The following RBFOX1 variants were observed in gnomAD, a reference collection of about 807,000 sequenced individuals.
RBFOX1 encodes RNA binding protein fox-1 homolog 1.
Under a neutral mutation model 57.7 loss-of-function variants are expected in RBFOX1, and 8 were observed. The ratio of observed to expected loss-of-function variants is 0.14; its 90% CI spans 0.08 to 0.25. RBFOX1 has a LOEUF of 0.25. Ranked by LOEUF, RBFOX1 falls within the 10% of genes least tolerant of loss-of-function variation. RBFOX1 has a pLI of 1.00. For missense variants in RBFOX1, 611 were observed against 548.5 expected, an observed-to-expected ratio of 1.11 and a Z score of -1.14; for synonymous variants, 326 against 222.4, an observed-to-expected ratio of 1.47 and a Z score of -4.15.
intron 4 of RBFOX1, among the ~76,000 whole-genome samples, chr16:7,494,438 C>T (rs535079529): frequency 1.3e-5 from 2 of 152,290 alleles, no homozygotes; most frequent in South Asian, 2.1e-4. Context: ...TGCTCCTTTC[C>T]TCCCAGGCTG....
intron 1 of RBFOX1, among the ~76,000 whole-genome samples, chr16:5,426,168 A>G (rs867428771): frequency 2.6e-5 from 4 of 152,014 alleles, no homozygotes; most frequent in Non-Finnish European, 5.9e-5. Flanking sequence ...GGAAATAATG[A>G]CTCTGAACCT....
chr16:7,597,960 T>C (rs921431801), intron 9 of RBFOX1, among the ~76,000 whole-genome samples: 10 of 152,180 alleles, frequency 6.6e-5, no homozygotes, highest in African/African-American at 2.2e-4. Context: ...CTCAGTGTTA[T>C]TTTGGGCTAG....
rs142368763 is a variant in RBFOX1, at chr16:6,928,470, G to A, written c.-15-123587G>A. Among the ~76,000 whole-genome samples the A allele has an allele frequency of 2.1e-3, 323 of 152,228 alleles. 4 individuals are homozygous for A. The highest frequency in any genetic ancestry group is 6.8e-3 in the African/African-American group (284 of 41,518). On this transcript the variant is annotated intron_variant, in intron 3 of 15. Transcript: ENST00000550418. ...CTCAGGACATGCTTGAGGAAAGAAC[G>A]TTCAACTCAGAAATAAGACTGCTTT...
intron 14 of RBFOX1, chr16:7,693,281 C>T (rs779117459): frequency 1.5e-5 from 24 of 1,597,228 alleles, no homozygotes; most frequent in South Asian, 5.5e-5. Context: ...TCCCCCTGAG[C>T]GAGCAGTATT....
chr16:7,247,241 T>C (rs1305503601), intron 4 of RBFOX1, among the ~76,000 whole-genome samples: 1 of 152,126 alleles, frequency 6.6e-6, no homozygotes, highest in Non-Finnish European at 1.5e-5. Context: ...AAACTTCTAT[T>C]GTGCAAACGC....
chr16:6,775,024 A>T (rs1251420628), intron 3 of RBFOX1, among the ~76,000 whole-genome samples: 1 of 152,110 alleles, frequency 6.6e-6, no homozygotes, highest in African/African-American at 2.4e-5. Flanking sequence ...CTTATATAAC[A>T]TACCTAAAAA....
chr16:7,170,669 A>G (rs1388206329), intron 4 of RBFOX1, among the ~76,000 whole-genome samples: 2 of 152,212 alleles, frequency 1.3e-5, no homozygotes, highest in Non-Finnish European at 2.9e-5. Flanking sequence ...TGTATAATTC[A>G]GAGTTGTTTT....
chr16:6,663,304 C>T (rs1290217278), intron 3 of RBFOX1, among the ~76,000 whole-genome samples: 2 of 152,104 alleles, frequency 1.3e-5, no homozygotes, highest in Admixed American at 6.5e-5. Context: ...TAGTTTGCTG[C>T]CGTGAGGAAG....
At chr16:7,202,097 C>A (rs137879497) in intron 4 of RBFOX1, among the ~76,000 whole-genome samples, 1 of 151,988 alleles carries the variant, frequency 6.6e-6, no homozygotes, top group South Asian at 2.1e-4. Context: ...ATATGGGTTA[C>A]TCAACAACAA....
At chr16:5,423,133 G>C (rs141446897) in intron 1 of RBFOX1, among the ~76,000 whole-genome samples, 5 of 151,674 alleles carry the variant, frequency 3.3e-5, no homozygotes, top group Admixed American at 3.3e-4. Flanking sequence ...GGAGGAGGTG[G>C]AGAGGGAGAA....
rs545239740 is a variant in RBFOX1, at chr16:5,527,504, G to GT, written c.258+60257dup. On this transcript the variant is annotated intron_variant, in intron 2 of 2. Transcript: ENST00000585867. ...TGTGATTTAGAACAGCTGTTTTGGA[G>GT]TTTTTTTATATGAGCAAGAAGTAAT... Among the ~76,000 whole-genome samples, 6 of 152,286 alleles carry GT rather than the reference G, an allele frequency of 3.9e-5. No individual in the cohort carries two copies. In the East Asian group the frequency reaches 5.8e-4, roughly 15 times the overall value.
chr16:6,905,962 G>A (rs913217838), intron 3 of RBFOX1, among the ~76,000 whole-genome samples: 1 of 152,170 alleles, frequency 6.6e-6, no homozygotes, highest in East Asian at 1.9e-4. Flanking sequence ...AGCTTTGTTA[G>A]GTGCCAGGCT....
chr16:5,516,975 A>T (rs2043815080), intron 2 of RBFOX1, among the ~76,000 whole-genome samples: 1 of 147,680 alleles, frequency 6.8e-6, no homozygotes, highest in African/African-American at 2.5e-5. Flanking sequence ...AGCTAATACG[A>T]CTCTTCTCCT....
At chr16:5,248,683 A>G (rs1346986235) in intron 1 of RBFOX1, among the ~76,000 whole-genome samples, 3 of 152,092 alleles carry the variant, frequency 2.0e-5, no homozygotes, top group Non-Finnish European at 4.4e-5. Context: ...GAGACTGCAA[A>G]GAGATGGCAG....
chr16:7,426,917 T>C (rs1342642652), intron 4 of RBFOX1, among the ~76,000 whole-genome samples: 2 of 152,158 alleles, frequency 1.3e-5, no homozygotes, highest in Non-Finnish European at 2.9e-5. Context: ...ATACACACCA[T>C]GGAATACTAT....
chr16:5,832,229 A>G (rs1749101925), intron 3 of RBFOX1, among the ~76,000 whole-genome samples: 1 of 152,372 alleles, frequency 6.6e-6, no homozygotes, highest in South Asian at 2.1e-4. Context: ...GGTAGCTCAG[A>G]TCATGCCCCA....
chr16:7,335,126 G>A (rs1284709917), intron 4 of RBFOX1, among the ~76,000 whole-genome samples: 1 of 152,184 alleles, frequency 6.6e-6, no homozygotes, highest in Non-Finnish European at 1.5e-5. Flanking sequence ...TTTGCAAGGG[G>A]AGAAAGGGCA....
At chr16:6,922,329 G>A (rs1233671730) in intron 3 of RBFOX1, among the ~76,000 whole-genome samples, 1 of 152,096 alleles carries the variant, frequency 6.6e-6, no homozygotes, top group African/African-American at 2.4e-5. Context: ...GTGTCCGGTG[G>A]TAATGGCAAG....
intron 2 of RBFOX1, among the ~76,000 whole-genome samples, chr16:6,480,114 TC>T (rs1378298965): frequency 6.6e-6 from 1 of 151,728 alleles, no homozygotes. Context: ...TAGTGTCATC[TC>T]TAGGAAAAGA....
Sources: allele counts gnomAD v4.1 joint callset (sites outside exome capture counted in the v4.1 genomes callset), GRCh38; gene constraint gnomAD v4.1.1; transcripts MANE v1.5; gene names NCBI Gene and HGNC (gene_info 2026-07-23, HGNC 2026-07-21).